Variants in FRAS1 observed in about 807,000 individuals in gnomAD.
The protein encoded by FRAS1 is Fraser extracellular matrix complex subunit 1.
Under a neutral mutation model 435.2 loss-of-function variants are expected in FRAS1, and 290 were observed. The ratio of observed to expected loss-of-function variants is 0.67; its 90% CI spans 0.61 to 0.73. The LOEUF (loss-of-function observed/expected upper bound fraction) is 0.73, where lower values mean the gene tolerates loss of function less well. Among genes scored for constraint, FRAS1 ranks in the 30% least tolerant of loss-of-function variants. The pLI, the probability that FRAS1 is intolerant of heterozygous loss-of-function variation, is 0.00. For synonymous variants in FRAS1, 1,800 were observed against 1,851.0 expected, an observed-to-expected ratio of 0.97 and a Z score of 0.71; for missense variants, 4,860 against 5,001.5, an observed-to-expected ratio of 0.97 and a Z score of 0.85.
At chr4:78,321,369 C>T (rs1729496774) in intron 18 of FRAS1, among the ~76,000 whole-genome samples, 1 of 152,182 alleles carries the variant, frequency 6.6e-6, no homozygotes, top group South Asian at 2.1e-4. Flanking sequence ...TGCTATAAAC[C>T]ATCACGCTAC....
In FRAS1 at chr4:78,215,990, T is replaced by C. The variant is rs555120544; in HGVS notation, c.109-21520T>C. 3.3e-5 allele frequency among the ~76,000 whole-genome samples: 5 copies of C among 152,360 alleles called. No homozygotes were observed. In the East Asian group the frequency reaches 9.6e-4, roughly 29 times the overall value. ...TTAGTGCTTCTTCTTATTTTTGGCA[T>C]CTTTCATTGGTTGAGTCCTCTCCTA... On this transcript the variant is annotated intron_variant, in intron 2 of 73. Transcript: ENST00000512123.
chr4:78,225,706 T>G (rs1336715261), intron 2 of FRAS1, among the ~76,000 whole-genome samples: 1 of 152,206 alleles, frequency 6.6e-6, no homozygotes, highest in African/African-American at 2.4e-5. Context: ...TGCCTTGAAT[T>G]CTTCAAGAAT....
intron 2 of FRAS1, among the ~76,000 whole-genome samples, chr4:78,114,628 TTGTC>T (rs536123615): frequency 0.05 from 7,379 of 147,328 alleles, 225 homozygotes; most frequent in Middle Eastern, 0.086. Context: ...GGCTCTCTGT[TTGTC>T]TGTTATTGGT....
chr4:78,338,482 A>G (rs1163470978), intron 20 of FRAS1, among the ~76,000 whole-genome samples: 1 of 152,208 alleles, frequency 6.6e-6, no homozygotes, highest in African/African-American at 2.4e-5. Context: ...CAAAGAGCCT[A>G]TAGACTGGGG....
rs1344492067 is a variant in FRAS1 at position 78,541,071 on chromosome 4, C to T, written c.11986C>T (p.Leu3996=). 7.1e-7 allele frequency: 1 copy of T among 1,414,554 alleles called. No individual in the cohort carries two copies. The highest frequency in any genetic ancestry group is 9.3e-7 in the Non-Finnish European group (1 of 1,076,376). The allele number at this position is 1,414,554 out of a possible 1,614,324, so 87.6% of individuals were successfully genotyped here. The change falls in exon 74 of 74, where the codon CTG becomes TTG. Residue 3996 remains leucine (L), a synonymous_variant. Coordinates refer to ENST00000512123, the MANE Select transcript of FRAS1 (RefSeq NM_025074.7). Reference sequence around the variant, plus strand: ...GTTCAAAGGTGCTAAAGTCAAAAGACTGAATCTAGAAGTCAGAGTTCACAA... The same window carrying T: ...GTTCAAAGGTGCTAAAGTCAAAAGATTGAATCTAGAAGTCAGAGTTCACAA... ...YTFKGAKVKR[L]NLEVRVHNNL...
At chr4:78,202,104 T>C (rs1026871839) in intron 2 of FRAS1, among the ~76,000 whole-genome samples, 7 of 152,202 alleles carry the variant, frequency 4.6e-5, no homozygotes, top group African/African-American at 1.7e-4. Flanking sequence ...TACACATTAC[T>C]GTGCACAGGA....
In FRAS1 at chr4:78,542,063, T is replaced by C. The variant is rs968440367; in HGVS notation, c.*939T>C. 3 of 152,242 alleles carry C rather than the reference T, an allele frequency of 2.0e-5. No individual in the cohort carries two copies. The highest frequency in any genetic ancestry group is 1.3e-4 in the Admixed American group (2 of 15,288). The allele number at this position is 152,242 out of a possible 1,614,324, so 9.4% of individuals were successfully genotyped here. On this transcript the variant is annotated 3_prime_UTR_variant, in exon 74 of 74. Coordinates refer to ENST00000512123, the MANE Select transcript of FRAS1 (RefSeq NM_025074.7). ...AACAGACAATCCCATGTCCTAGGTA[T>C]GGTTTTTTATTCTGTTAGTGCTTCG...
intron 30 of FRAS1, among the ~76,000 whole-genome samples, chr4:78,406,036 G>C (rs770602007): frequency 1.1e-4 from 16 of 152,224 alleles, no homozygotes; most frequent in Non-Finnish European, 2.2e-4. Context: ...TTTAGATTTA[G>C]ATTTCCTTGC....
intron 6 of FRAS1, among the ~76,000 whole-genome samples, chr4:78,259,746 C>T (rs1164504008): frequency 4.9e-5 from 7 of 142,882 alleles, no homozygotes; most frequent in South Asian, 2.4e-4. Context: ...CTTTTGTTGC[C>T]GTTGCTTTTA....
At chr4:78,488,576 TG>T (rs1720244838) in intron 58 of FRAS1, among the ~76,000 whole-genome samples, 1 of 152,220 alleles carries the variant, frequency 6.6e-6, no homozygotes, top group Non-Finnish European at 1.5e-5. Context: ...TCCCATTTAT[TG>T]ACTTGCATTA....
At chr4:78,269,454 C>G (rs551645257) in intron 9 of FRAS1, among the ~76,000 whole-genome samples, 1 of 152,262 alleles carries the variant, frequency 6.6e-6, no homozygotes, top group East Asian at 1.9e-4. Flanking sequence ...ATCTTGGATA[C>G]CAAGGATGGA....
intron 17 of FRAS1, 147 bp from the exon 18 acceptor site, chr4:78,318,663 A>C: frequency 1.4e-6 from 1 of 726,688 alleles, no homozygotes; most frequent in South Asian, 2.8e-5. Flanking sequence ...CATTATTATC[A>C]CTCTGTGCTT....
rs559485812 is a variant in FRAS1 at position 78,057,516 on chromosome 4, G to C, written c.-494G>C. 1.9e-5 allele frequency: 3 copies of C among 156,456 alleles called. No homozygotes were observed. In the East Asian group the frequency reaches 5.6e-4, roughly 29 times the overall value. 9.7% of individuals were successfully genotyped at this position (156,456 alleles called of 1,614,324 possible). On this transcript the variant is annotated 5_prime_UTR_variant, in exon 1 of 74. Coordinates refer to ENST00000512123, the MANE Select transcript of FRAS1 (RefSeq NM_025074.7). This position sits in a 1 kb window ranked among gnomAD's most constrained non-coding sequence, Gnocchi z 4.2. ...AGGAGTGGGTGTGGGTGGGTCTTTCGGGGCTCCCGGCGACCCGCGGTGCCG... is the reference window on the plus strand; with the variant it reads ...AGGAGTGGGTGTGGGTGGGTCTTTCCGGGCTCCCGGCGACCCGCGGTGCCG...
At chr4:78,468,728 A>G (rs1434953887) in intron 50 of FRAS1, among the ~76,000 whole-genome samples, 2 of 152,198 alleles carry the variant, frequency 1.3e-5, no homozygotes, top group Non-Finnish European at 2.9e-5. Context: ...TCGCCTGGGA[A>G]AAACTTCAAT....
intron 13 of FRAS1, 63 bp from the exon 14 acceptor site, chr4:78,286,342 G>T: frequency 6.3e-7 from 1 of 1,592,902 alleles, no homozygotes. Context: ...ACTGGCATGG[G>T]GGTGGTGTCT....
chr4:78,410,496 T>C (rs2110356985), intron 31 of FRAS1, among the ~76,000 whole-genome samples: 1 of 151,882 alleles, frequency 6.6e-6, no homozygotes, highest in East Asian at 1.9e-4. Context: ...TGAATGAACA[T>C]TATTACTTAC....
At chr4:78,185,482 T>G (rs1011437824) in intron 2 of FRAS1, among the ~76,000 whole-genome samples, 1 of 152,204 alleles carries the variant, frequency 6.6e-6, no homozygotes, top group Admixed American at 6.5e-5. Flanking sequence ...GTTTTTCACT[T>G]TAGAGGCTGT....
intron 9 of FRAS1, among the ~76,000 whole-genome samples, chr4:78,274,498 G>C (rs1318368327): frequency 6.6e-6 from 1 of 152,102 alleles, no homozygotes; most frequent in Non-Finnish European, 1.5e-5. Flanking sequence ...GTGTCCCAGA[G>C]ATTCTGGTAT....
At chr4:78,424,800 G>T (rs567137262) in intron 35 of FRAS1, among the ~76,000 whole-genome samples, 1 of 151,998 alleles carries the variant, frequency 6.6e-6, no homozygotes, top group African/African-American at 2.4e-5. Flanking sequence ...AACTTATCTG[G>T]ATGATGGTGG....
Sources: allele counts gnomAD v4.1 joint callset (sites outside exome capture counted in the v4.1 genomes callset), GRCh38; gene constraint gnomAD v4.1.1; non-coding constraint Gnocchi (gnomAD v3.1); transcripts MANE v1.5; gene names NCBI Gene and HGNC (gene_info 2026-07-23, HGNC 2026-07-21).